TMEM178B: variants seen among roughly 807,000 people sequenced by gnomAD.
The protein encoded by TMEM178B is transmembrane protein 178B.
In TMEM178B, 5 loss-of-function variants were observed where a neutral mutation model predicts 31.0. The ratio of observed to expected loss-of-function variants is 0.16; its 90% CI spans 0.08 to 0.34. The LOEUF (loss-of-function observed/expected upper bound fraction) is 0.34. Ranked by LOEUF, TMEM178B falls within the 10% of genes least tolerant of loss-of-function variation. The probability of loss-of-function intolerance (pLI) is 1.00; values close to 1 mark genes in which losing one functional copy is unlikely to be tolerated. For missense variants in TMEM178B, 275 were observed against 400.3 expected (o/e 0.69, Z 2.67); for synonymous variants, 164 against 164.0 (o/e 1.00, Z 0.00).
intron 2 of TMEM178B, among the ~76,000 whole-genome samples, chr7:141,338,637 G>A (rs1323905648): frequency 6.6e-6 from 1 of 152,182 alleles, no homozygotes; most frequent in Non-Finnish European, 1.5e-5. Context: ...TGGCTTAACT[G>A]TGAGTGAGTT....
intron 2 of TMEM178B, among the ~76,000 whole-genome samples, chr7:141,412,160 G>A (rs549970492): frequency 3.3e-5 from 5 of 152,214 alleles, no homozygotes; most frequent in South Asian, 2.1e-4. Flanking sequence ...GTCCCTCCAC[G>A]CCATCTCTGA....
intron 2 of TMEM178B, among the ~76,000 whole-genome samples, chr7:141,340,339 G>T (rs141953373): frequency 2.6e-5 from 4 of 152,242 alleles, no homozygotes; most frequent in Admixed American, 6.5e-5. Context: ...CTAAATTTGC[G>T]ATTACTTGTT....
Position 141,472,665 on chromosome 7 carries a change from C to G in TMEM178B, c.*1879C>G, listed in dbSNP as rs866353685. 11 of 152,248 alleles carry G rather than the reference C, an allele frequency of 7.2e-5. No individual in the cohort carries two copies. The highest frequency in any genetic ancestry group is 1.6e-4 in the Non-Finnish European group (11 of 68,054). The allele number at this position is 152,248 out of a possible 1,614,324, so 9.4% of individuals were successfully genotyped here. ...CAGGCACTCAGCAGCCTTTCTTCCACTGCTGTGTAATCTGTTTCATTTACA... is the reference window on the plus strand; with the variant it reads ...CAGGCACTCAGCAGCCTTTCTTCCAGTGCTGTGTAATCTGTTTCATTTACA... On this transcript the variant is annotated 3_prime_UTR_variant, in exon 4 of 4. Coordinates refer to ENST00000565468, the MANE Select transcript of TMEM178B (RefSeq NM_001195278.2).
chr7:141,074,198 T>C lies in TMEM178B; in HGVS notation c.-113T>C. On this transcript the variant is annotated 5_prime_UTR_variant, in exon 1 of 4. Coordinates refer to ENST00000565468, the MANE Select transcript of TMEM178B (RefSeq NM_001195278.2). This position sits in a 1 kb window ranked among gnomAD's most constrained non-coding sequence, Gnocchi z 5.1. ...GGCCGAGGGGGCGCCGCGGCGCGAG[T>C]CCCTCTCCTGCCCCCTCCCCCAGCT... is the stretch of plus-strand genomic sequence containing the variant. 1 of 1,371,314 alleles carries C rather than the reference T, an allele frequency of 7.3e-7. No individual in the cohort carries two copies. Among genetic ancestry groups the C allele is most frequent in the Non-Finnish European group, 9.5e-7 (1 of 1,056,258 alleles). 84.9% of individuals were successfully genotyped at this position (1,371,314 alleles called of 1,614,324 possible). A position where few individuals can be genotyped will look rare whatever the true frequency, so the allele number is the denominator to read the frequency against.
At position 141,285,150 on chromosome 7, in the gene TMEM178B, GTTTC is replaced by G. The variant is rs1434175162; in HGVS notation, c.496+72450_496+72453del. 2.1e-3 allele frequency among the ~76,000 whole-genome samples: 168 copies of G among 78,952 alleles called. 10 individuals are homozygous for G. The highest frequency in any genetic ancestry group is 7.7e-3 in the African/African-American group (162 of 21,072). 51.8% of individuals were successfully genotyped at this position (78,952 alleles called of 152,430 possible). A position where few individuals can be genotyped will look rare whatever the true frequency, so the allele number is the denominator to read the frequency against. ...CCCCAGGATCCAATTCAGGATTCTT[GTTTC>G]TTTTTTTTTTTTTTTTTTTTTTTTG... On this transcript the variant is annotated intron_variant, in intron 2 of 3. Transcript: ENST00000565468.
intron 2 of TMEM178B, among the ~76,000 whole-genome samples, chr7:141,434,958 A>G (rs1801506694): frequency 6.6e-6 from 1 of 152,368 alleles, no homozygotes; most frequent in African/African-American, 2.4e-5. Flanking sequence ...TCATGGCAGA[A>G]TAGTATTCCA....
intron 2 of TMEM178B, among the ~76,000 whole-genome samples, chr7:141,404,611 C>G (rs1800848228): frequency 1.3e-5 from 2 of 152,174 alleles, no homozygotes; most frequent in South Asian, 2.1e-4. Flanking sequence ...AGAGCCCACC[C>G]TGGATCCCGG....
intron 1 of TMEM178B, among the ~76,000 whole-genome samples, chr7:141,211,991 C>A (rs1020058768): frequency 6.6e-6 from 1 of 152,130 alleles, no homozygotes; most frequent in African/African-American, 2.4e-5. Context: ...TTTTGACAAT[C>A]GACTAGTAAA....
At chr7:141,130,997 G>C (rs1236332189) in intron 1 of TMEM178B, among the ~76,000 whole-genome samples, 2 of 152,132 alleles carry the variant, frequency 1.3e-5, no homozygotes, top group African/African-American at 4.8e-5. Context: ...TTCCCCATTA[G>C]AACGGGAACT....
chr7:141,297,186 G>T (rs1798648936), intron 2 of TMEM178B: 1 of 152,148 alleles, frequency 6.6e-6, no homozygotes, highest in Non-Finnish European at 1.5e-5. Context: ...AGAGGTTAAG[G>T]ATATAATTGC....
intron 2 of TMEM178B, among the ~76,000 whole-genome samples, chr7:141,346,974 G>A (rs1045593805): frequency 2.6e-5 from 4 of 152,050 alleles, no homozygotes; most frequent in Admixed American, 6.6e-5. Flanking sequence ...GCTGTCTCAT[G>A]ATGGAGTTCT....
rs1333296807 is a variant in TMEM178B, at chr7:141,476,577, C to T, written c.*5791C>T. 1.3e-5 allele frequency: 2 copies of T among 152,144 alleles called. No individual in the cohort carries two copies. Among genetic ancestry groups the T allele is most frequent in the Non-Finnish European group, 2.9e-5 (2 of 68,026 alleles). 9.4% of individuals were successfully genotyped at this position (152,144 alleles called of 1,614,324 possible). On this transcript the variant is annotated 3_prime_UTR_variant, in exon 4 of 4. Coordinates refer to ENST00000565468, the MANE Select transcript of TMEM178B (RefSeq NM_001195278.2). The stretch of plus-strand genomic sequence containing the variant: ...AGACCAAGTCTCAAGGAGCTGGGAT[C>T]TTCTTTCTCTTGTCAGTTGCTGAAG...
At chr7:141,368,232 T>C (rs1369029974) in intron 2 of TMEM178B, among the ~76,000 whole-genome samples, 1 of 152,126 alleles carries the variant, frequency 6.6e-6, no homozygotes, top group African/African-American at 2.4e-5. Context: ...GGTGGGAGAA[T>C]TGCTTGAACC....
chr7:141,491,931 C>T, the TMEM178B span, among the ~76,000 whole-genome samples: 1 of 152,212 alleles, frequency 6.6e-6, no homozygotes, highest in African/African-American at 2.4e-5. Context: ...TCCACACCCT[C>T]CCATTCAGTC....
At chr7:141,221,451 A>G (rs147579948) in intron 2 of TMEM178B, among the ~76,000 whole-genome samples, 130 of 152,382 alleles carry the variant, frequency 8.5e-4, no homozygotes, top group African/African-American at 2.9e-3. Context: ...GTCAGCAGGT[A>G]TAAGTCCTGT....
chr7:141,503,918 G>A, the TMEM178B span, among the ~76,000 whole-genome samples: 1 of 152,200 alleles, frequency 6.6e-6, no homozygotes, highest in Non-Finnish European at 1.5e-5. Flanking sequence ...TTGGAAGTTA[G>A]GGGAATAGCT....
intron 2 of TMEM178B, among the ~76,000 whole-genome samples, chr7:141,380,004 C>T (rs1800285817): frequency 6.6e-6 from 1 of 152,196 alleles, no homozygotes; most frequent in African/African-American, 2.4e-5. Context: ...TTCTGTCCAT[C>T]TTTTCTTACT....
intron 1 of TMEM178B, among the ~76,000 whole-genome samples, chr7:141,133,761 A>G (rs553681224): frequency 6.6e-6 from 1 of 152,336 alleles, no homozygotes; most frequent in South Asian, 2.1e-4. Flanking sequence ...ATTCAACCCA[A>G]GAAGATCTTC....
In TMEM178B at chr7:141,108,909, C is replaced by T. The variant is rs142487533; in HGVS notation, c.382+34217C>T. On this transcript the variant is annotated intron_variant, in intron 1 of 3. Transcript: ENST00000565468. Reference sequence around the variant, plus strand: ...GAGGTTTAATGGACTTAAAGTTCCACGTGGCTAGGGAGGCCTCACAATCAT... The same window carrying T: ...GAGGTTTAATGGACTTAAAGTTCCATGTGGCTAGGGAGGCCTCACAATCAT... Among the ~76,000 whole-genome samples, 17 of 152,280 alleles carry T rather than the reference C, an allele frequency of 1.1e-4. No homozygotes were observed. In the South Asian group the frequency reaches 2.5e-3, roughly 22 times the overall value.
Sources: gnomAD v4.1 joint callset for allele counts (sites outside exome capture counted in the v4.1 genomes callset) on GRCh38, gnomAD v4.1.1 for gene constraint, Gnocchi (gnomAD v3.1) non-coding constraint, MANE v1.5 for transcripts, NCBI Gene and HGNC (gene_info 2026-07-23, HGNC 2026-07-21) for gene names.